The following ETV5 variants were observed in gnomAD, a reference collection of about 807,000 sequenced individuals.
ETV5 encodes ETS translocation variant 5.
ETV5 carries 10 observed loss-of-function variants against 70.0 expected under a neutral mutation model. That is an observed-to-expected ratio of 0.14 (90% confidence interval 0.09 to 0.24). The LOEUF (loss-of-function observed/expected upper bound fraction) is 0.24, where lower values mean the gene tolerates loss of function less well. ETV5 is among the 10% of genes least tolerant of loss of function. The probability of loss-of-function intolerance (pLI) is 1.00; values close to 1 mark genes in which losing one functional copy is unlikely to be tolerated. For synonymous variants in ETV5, 216 were observed against 242.2 expected, an observed-to-expected ratio of 0.89 and a Z score of 1.01; for missense variants, 453 against 651.2, an observed-to-expected ratio of 0.70 and a Z score of 3.31.
intron 9 of ETV5, among the ~76,000 whole-genome samples, chr3:186,061,203 T>G (rs1713296445): frequency 6.6e-6 from 1 of 152,242 alleles, no homozygotes; most frequent in South Asian, 2.1e-4. Context: ...AGACCAGTGG[T>G]TCTCAACCTT....
At position 186,105,962 on chromosome 3, in the gene ETV5, GATTTT is replaced by G. The variant is rs751875598; in HGVS notation, c.-74-25_-74-21del. 4.0e-6 allele frequency: 6 copies of G among 1,497,870 alleles called. No homozygotes were observed. In the South Asian group the frequency reaches 7.3e-5, roughly 18 times the overall value. 92.8% of individuals were successfully genotyped at this position (1,497,870 alleles called of 1,614,324 possible). ...ATCCTCCTGTAATATGAATTTGGGA[GATTTT>G]AACTAAGAGGGGGGAAAAAAAGAAA... On this transcript the variant is annotated intron_variant, in intron 1 of 12. Transcript: ENST00000306376. The surrounding 1 kb of genome is among the most constrained non-coding windows in gnomAD (Gnocchi z 4.5).
At chr3:186,099,513 C>G (rs894854277) in intron 5 of ETV5, among the ~76,000 whole-genome samples, 10 of 152,294 alleles carry the variant, frequency 6.6e-5, no homozygotes, top group Non-Finnish European at 1.3e-4. Flanking sequence ...GCCGTATGCC[C>G]GAGAGGGGGC....
chr3:186,070,615 T>C (rs1277911668), intron 7 of ETV5, among the ~76,000 whole-genome samples: 1 of 152,216 alleles, frequency 6.6e-6, no homozygotes, highest in Admixed American at 6.5e-5. Flanking sequence ...GGAAGAAAGA[T>C]TCTCAGAGCT....
At chr3:186,093,690 G>A (rs918929029) in intron 5 of ETV5, among the ~76,000 whole-genome samples, 2 of 152,164 alleles carry the variant, frequency 1.3e-5, no homozygotes, top group African/African-American at 4.8e-5. Flanking sequence ...CAAGTGTGGG[G>A]GGCACTCCAA....
chr3:186,093,532 GGGTATCT>G (rs1275486551), intron 5 of ETV5, among the ~76,000 whole-genome samples: 2 of 152,186 alleles, frequency 1.3e-5, no homozygotes, highest in African/African-American at 4.8e-5. Flanking sequence ...AACCAGCACA[GGGTATCT>G]GGCAATCAAA....
At chr3:186,069,973 A>AT (rs879291697) in intron 7 of ETV5, among the ~76,000 whole-genome samples, 153 of 147,812 alleles carry the variant, frequency 1.0e-3, no homozygotes, top group Admixed American at 2.0e-3. Flanking sequence ...TGCCTGGCTA[A>AT]TTTTTTTTTT....
At chr3:186,049,189 G>A (rs963544408) in intron 12 of ETV5, among the ~76,000 whole-genome samples, 1 of 152,140 alleles carries the variant, frequency 6.6e-6, no homozygotes, top group African/African-American at 2.4e-5. Context: ...AAGGTTTAAG[G>A]ACTGACAGGT....
chr3:186,104,113 T>C (rs532524711), intron 5 of ETV5, among the ~76,000 whole-genome samples: 1 of 152,318 alleles, frequency 6.6e-6, no homozygotes, highest in East Asian at 1.9e-4. Context: ...AGACATGAAT[T>C]TCTCTATGAT....
At chr3:186,085,507 G>GTTT (rs550203729) in intron 5 of ETV5, among the ~76,000 whole-genome samples, 6 of 124,850 alleles carry the variant, frequency 4.8e-5, no homozygotes, top group Admixed American at 8.3e-5. Context: ...AGTAGCCTTC[G>GTTT]TTTTTTTTTT....
chr3:186,106,739 C>T (rs1714597287), intron 1 of ETV5, among the ~76,000 whole-genome samples: 1 of 152,062 alleles, frequency 6.6e-6, no homozygotes, highest in Non-Finnish European at 1.5e-5. Context: ...AGACATACCC[C>T]CCCACCCCCA....
chr3:186,080,914 C>T (rs1713918234), intron 6 of ETV5, 132 bp downstream of exon 6: 1 of 1,091,406 alleles, frequency 9.2e-7, no homozygotes, highest in South Asian at 1.6e-5. Context: ...GAGGATGACA[C>T]TGCCATGAAA....
At chr3:186,073,968 T>G (rs943504819) in intron 7 of ETV5, among the ~76,000 whole-genome samples, 14 of 152,058 alleles carry the variant, frequency 9.2e-5, no homozygotes, top group African/African-American at 3.4e-4. Flanking sequence ...ACAAATAAGT[T>G]GGAAAAACAG....
intron 12 of ETV5, 89 bp from the exon 13 acceptor site, chr3:186,048,949 C>G: frequency 8.8e-7 from 1 of 1,130,250 alleles, no homozygotes; most frequent in Non-Finnish European, 1.3e-6. Context: ...GTCACAAAGC[C>G]AGGGACCAAA....
intron 5 of ETV5, chr3:186,095,273 T>G (rs929284418): frequency 5.3e-5 from 8 of 152,216 alleles, no homozygotes; most frequent in Non-Finnish European, 1.0e-4. Context: ...CTGCTCACAC[T>G]GGATCACGCA....
At chr3:186,071,205 A>G (rs1220011067) in intron 7 of ETV5, among the ~76,000 whole-genome samples, 1 of 152,176 alleles carries the variant, frequency 6.6e-6, no homozygotes, top group Non-Finnish European at 1.5e-5. Flanking sequence ...CAGGAAAAAA[A>G]AAAAGGAGAA....
chr3:186,075,892 T>A lies in ETV5; in HGVS notation c.650+3925A>T, dbSNP rs149278675. Among the ~76,000 whole-genome samples the A allele has an allele frequency of 1.1e-4, 17 of 152,338 alleles. No homozygotes were observed. In the East Asian group the frequency reaches 3.3e-3, roughly 29 times the overall value. On this transcript the variant is annotated intron_variant, in intron 7 of 12. Transcript: ENST00000306376. ...AAAATTCTTAGAGATACATTTTTCT[T>A]AGTGGAGCTTCTTCAGTTGAATTGC...
chr3:186,056,995 G>A, intron 11 of ETV5, 80 bp downstream of exon 11: 2 of 1,511,484 alleles, frequency 1.3e-6, no homozygotes, highest in East Asian at 4.6e-5. Flanking sequence ...GACACAAAAA[G>A]CCTCAATGGA....
chr3:186,094,385 A>C (rs1238820627), intron 5 of ETV5, among the ~76,000 whole-genome samples: 1 of 152,238 alleles, frequency 6.6e-6, no homozygotes. Flanking sequence ...ATTTCCAAAC[A>C]GAAAACCTCT....
chr3:186,108,470 C>G lies in ETV5; in HGVS notation c.-75+470G>C, dbSNP rs1161577001. On this transcript the variant is annotated intron_variant, in intron 1 of 12. Transcript: ENST00000306376. The stretch of plus-strand genomic sequence containing the variant: ...GGCTGCACTTGCCTGTGTCATTTAC[C>G]CCCTCCCGGTGCTCTGGGGGGCAGC... 7 of 1,261,386 alleles carry G rather than the reference C, an allele frequency of 5.5e-6. No individual in the cohort carries two copies. In the East Asian group the frequency reaches 3.4e-4, roughly 61 times the overall value. 78.1% of individuals were successfully genotyped at this position (1,261,386 alleles called of 1,614,324 possible). A position where few individuals can be genotyped will look rare whatever the true frequency, so the allele number is the denominator to read the frequency against.
Sources: allele counts gnomAD v4.1 joint callset (sites outside exome capture counted in the v4.1 genomes callset), GRCh38; gene constraint gnomAD v4.1.1; non-coding constraint Gnocchi (gnomAD v3.1); transcripts MANE v1.5; gene names NCBI Gene and HGNC (gene_info 2026-07-23, HGNC 2026-07-21).